Variants in EYA2 observed in about 807,000 individuals in gnomAD.
EYA2 encodes the protein protein phosphatase EYA2.
EYA2 carries 31 observed loss-of-function variants against 69.2 expected under a neutral mutation model. That is an observed-to-expected ratio of 0.45 (90% CI 0.34 to 0.60). The LOEUF is 0.60. EYA2 is among the 20% of genes least tolerant of loss of function. The pLI is 0.02. For missense variants in EYA2, 622 were observed against 701.2 expected, an observed-to-expected ratio of 0.89 and a Z score of 1.28; for synonymous variants, 257 against 279.4, an observed-to-expected ratio of 0.92 and a Z score of 0.80.
At chr20:47,065,196 A>G (rs1180394111) in intron 5 of EYA2, among the ~76,000 whole-genome samples, 2 of 152,178 alleles carry the variant, frequency 1.3e-5, no homozygotes, top group African/African-American at 4.8e-5. Flanking sequence ...GGGAGCTACA[A>G]TTCAAGATGA....
At chr20:47,181,696 A>T (rs1247620091) in intron 14 of EYA2, among the ~76,000 whole-genome samples, 1 of 148,798 alleles carries the variant, frequency 6.7e-6, no homozygotes, top group East Asian at 2.0e-4. Context: ...AACCTTTTCC[A>T]TTGTTTTTTC....
At chr20:47,012,265 T>C (rs890909441) in intron 4 of EYA2, among the ~76,000 whole-genome samples, 3 of 152,188 alleles carry the variant, frequency 2.0e-5, no homozygotes, top group Non-Finnish European at 4.4e-5. Flanking sequence ...TCTTTCTCTT[T>C]GCTGTGAAGA....
chr20:47,021,973 A>G (rs1402374239), intron 5 of EYA2, among the ~76,000 whole-genome samples: 2 of 152,212 alleles, frequency 1.3e-5, no homozygotes, highest in African/African-American at 4.8e-5. Context: ...AGTGCTAACA[A>G]GAGTTCCAGG....
At chr20:47,049,043 A>C (rs1436591859) in intron 5 of EYA2, among the ~76,000 whole-genome samples, 1 of 152,202 alleles carries the variant, frequency 6.6e-6, no homozygotes, top group East Asian at 1.9e-4. Flanking sequence ...GCAGATGGAG[A>C]AACTGAGGCA....
At chr20:47,031,438 G>A (rs1984409048) in intron 5 of EYA2, among the ~76,000 whole-genome samples, 1 of 152,222 alleles carries the variant, frequency 6.6e-6, no homozygotes, top group African/African-American at 2.4e-5. Flanking sequence ...GCTGCAAGGA[G>A]GCCAGGAGGG....
intron 5 of EYA2, among the ~76,000 whole-genome samples, chr20:47,066,879 A>G (rs4810605): frequency 0.2 from 30,944 of 152,084 alleles, 3,359 homozygotes; most frequent in Middle Eastern, 0.27. Context: ...GAAGGAAGAA[A>G]GAGGTCAGTG....
At chr20:46,925,222 A>G (rs565043790) in intron 1 of EYA2, among the ~76,000 whole-genome samples, 2 of 152,350 alleles carry the variant, frequency 1.3e-5, no homozygotes, top group Middle Eastern at 3.4e-3. Flanking sequence ...CTATTTCCAA[A>G]TAAGGCCAGA....
At chr20:47,007,165 C>G (rs1982770457) in intron 4 of EYA2, among the ~76,000 whole-genome samples, 1 of 152,176 alleles carries the variant, frequency 6.6e-6, no homozygotes, top group Non-Finnish European at 1.5e-5. Context: ...TTCCTGGCCT[C>G]AAGTGATCTA....
chr20:47,166,581 C>T (rs985125041), intron 10 of EYA2, among the ~76,000 whole-genome samples: 1 of 152,012 alleles, frequency 6.6e-6, no homozygotes, highest in Non-Finnish European at 1.5e-5. Context: ...CGTGCTTCTC[C>T]TCCTCCAGCA....
At chr20:47,098,929 TCCTTGAA>T (rs1182526608) in intron 9 of EYA2, among the ~76,000 whole-genome samples, 1 of 152,200 alleles carries the variant, frequency 6.6e-6, no homozygotes, top group African/African-American at 2.4e-5. Context: ...TTGTTTTTGG[TCCTTGAA>T]CCTGCCACAT....
intron 1 of EYA2, among the ~76,000 whole-genome samples, chr20:46,952,010 C>G (rs574907334): frequency 1.3e-5 from 2 of 152,270 alleles, no homozygotes; most frequent in South Asian, 4.1e-4. Context: ...TGTTGAAAGC[C>G]CACAAGTCTC....
intron 3 of EYA2, 164 bp from the exon 4 acceptor site, chr20:47,004,778 C>A: frequency 2.2e-6 from 2 of 916,526 alleles, no homozygotes; most frequent in Non-Finnish European, 3.4e-6. Flanking sequence ...AATCTTCCTG[C>A]TTCCCAGGCA....
At chr20:46,906,973 C>T (rs776651728) in intron 1 of EYA2, among the ~76,000 whole-genome samples, 2 of 152,142 alleles carry the variant, frequency 1.3e-5, no homozygotes, top group African/African-American at 2.4e-5. Context: ...GGGTACAGTA[C>T]ACTACAGAAG....
At chr20:46,915,173 C>T (rs549424235) in intron 1 of EYA2, among the ~76,000 whole-genome samples, 45 of 152,316 alleles carry the variant, frequency 3.0e-4, no homozygotes, top group African/African-American at 1.0e-3. Flanking sequence ...AGTGTGTACT[C>T]GCAACAAGCA....
chr20:47,066,482 T>A (rs955814923), intron 5 of EYA2, among the ~76,000 whole-genome samples: 2 of 152,200 alleles, frequency 1.3e-5, no homozygotes, highest in African/African-American at 4.8e-5. Flanking sequence ...AGGGTATTTC[T>A]CTCTCACCTA....
chr20:47,177,044 C>T (rs866394918), intron 12 of EYA2, among the ~76,000 whole-genome samples: 10 of 152,044 alleles, frequency 6.6e-5, no homozygotes, highest in South Asian at 6.2e-4. Context: ...ATGATCTGCC[C>T]GCCTCGGCCT....
chr20:47,139,322 A>C (rs2033544509), intron 9 of EYA2, among the ~76,000 whole-genome samples: 1 of 152,226 alleles, frequency 6.6e-6, no homozygotes, highest in Admixed American at 6.5e-5. Flanking sequence ...CTACAAAGGA[A>C]TATATATGGA....
chr20:47,185,418 A>G (rs1261395722), intron 15 of EYA2, among the ~76,000 whole-genome samples: 1 of 150,252 alleles, frequency 6.7e-6, no homozygotes. Flanking sequence ...CTTGTGCCTC[A>G]GCCTCCTGAG....
intron 1 of EYA2, among the ~76,000 whole-genome samples, chr20:46,910,490 T>C (rs1156387933): frequency 6.6e-6 from 1 of 152,176 alleles, no homozygotes; most frequent in Non-Finnish European, 1.5e-5. Flanking sequence ...TCTCTTTTCA[T>C]GGTCTCTGGT....
Sources: allele counts gnomAD v4.1 joint callset (sites outside exome capture counted in the v4.1 genomes callset), GRCh38; gene constraint gnomAD v4.1.1; transcripts MANE v1.5; gene names NCBI Gene and HGNC (gene_info 2026-07-23, HGNC 2026-07-21).